Variants in CTNNA3 observed in about 807,000 individuals in gnomAD.
CTNNA3 encodes the protein catenin alpha 3, also known as catenin alpha-3.
In CTNNA3, 76 loss-of-function variants were observed where a neutral mutation model predicts 95.7. The observed-to-expected ratio is 0.79, with a 90% confidence interval of 0.66 to 0.96. The LOEUF is 0.96. Among genes scored for constraint, CTNNA3 ranks in the 40% least tolerant of loss-of-function variants. CTNNA3 has a pLI of 0.00. For missense variants in CTNNA3, 1,191 were observed against 1,089.8 expected (o/e 1.09, Z -1.31); for synonymous variants, 431 against 374.4 (o/e 1.15, Z -1.74).
intron 1 of CTNNA3, among the ~76,000 whole-genome samples, chr10:67,704,977 A>G (rs923016191): frequency 6.6e-6 from 1 of 152,250 alleles, no homozygotes; most frequent in African/African-American, 2.4e-5. Flanking sequence ...CGACATGAAC[A>G]GACACTCCTC....
Position 66,008,782 on chromosome 10 carries a change from T to C in CTNNA3, c.2160-19985A>G, listed in dbSNP as rs145095599. Among the ~76,000 whole-genome samples the C allele has an allele frequency of 4.6e-3, 697 of 152,168 alleles. 6 individuals are homozygous for C. The highest frequency in any genetic ancestry group is 0.016 in the African/African-American group (662 of 41,524). On this transcript the variant is annotated intron_variant, in intron 15 of 17. Coordinates refer to ENST00000433211, the MANE Select transcript of CTNNA3 (RefSeq NM_013266.4). ...GATGCAATATTCCCTCAGGAGAAAT[T>C]TGTGAATGAGTATTAGAGGATGCAA...
At chr10:66,090,691 T>C in intron 14 of CTNNA3, among the ~76,000 whole-genome samples, 1 of 152,106 alleles carries the variant, frequency 6.6e-6, no homozygotes, top group South Asian at 2.1e-4. Context: ...TTCTAAAAGC[T>C]CTGTTTCTTA....
At chr10:67,030,738 G>A (rs1853666414) in intron 7 of CTNNA3, among the ~76,000 whole-genome samples, 1 of 152,144 alleles carries the variant, frequency 6.6e-6, no homozygotes, top group Admixed American at 6.5e-5. Flanking sequence ...AGATGCGGTG[G>A]CTCACGCCTG....
chr10:67,010,144 AAAAT>A (rs1409137984), intron 7 of CTNNA3, among the ~76,000 whole-genome samples: 1 of 152,208 alleles, frequency 6.6e-6, no homozygotes, highest in African/African-American at 2.4e-5. Flanking sequence ...CATTACAAGA[AAAAT>A]AAACACACAC....
intron 6 of CTNNA3, 50 bp downstream of exon 6, chr10:67,219,557 T>C (rs200145969): frequency 6.6e-7 from 1 of 1,520,204 alleles, no homozygotes; most frequent in Non-Finnish European, 8.8e-7. Context: ...TTATTATTAT[T>C]ATTACTGTAT....
At chr10:67,076,506 C>T (rs1380433876) in intron 7 of CTNNA3, among the ~76,000 whole-genome samples, 2 of 152,144 alleles carry the variant, frequency 1.3e-5, no homozygotes, top group Non-Finnish European at 2.9e-5. Flanking sequence ...CATCAGAATG[C>T]CAAGCCCTTC....
intron 7 of CTNNA3, among the ~76,000 whole-genome samples, chr10:66,792,392 A>C (rs1033310295): frequency 1.3e-5 from 2 of 152,120 alleles, no homozygotes; most frequent in Non-Finnish European, 2.9e-5. Flanking sequence ...TTTGCATAAG[A>C]ATCTCCTAGA....
chr10:66,468,469 G>T lies in CTNNA3; in HGVS notation c.1531+52148C>A, dbSNP rs560279266. 3.3e-3 allele frequency among the ~76,000 whole-genome samples: 499 copies of T among 152,002 alleles called. 6 individuals carry two copies. The highest frequency in any genetic ancestry group is 0.011 in the African/African-American group (475 of 41,494). Reference sequence around the variant, plus strand: ...TAAAATTTAAAAGGGAGTCATGGGTGGGGGAAATGGGAAAATGCTGGTCAA... The same window carrying T: ...TAAAATTTAAAAGGGAGTCATGGGTTGGGGAAATGGGAAAATGCTGGTCAA... On this transcript the variant is annotated intron_variant, in intron 11 of 17. Transcript: ENST00000433211.
chr10:67,037,564 T>C lies in CTNNA3; in HGVS notation c.1047+142753A>G, dbSNP rs12240298. ...AGGTAGATTCACATGTAGAAGAGAT[T>C]TGAATGAAGTATGACTGGATGCAAG... On this transcript the variant is annotated intron_variant, in intron 7 of 17. Coordinates refer to ENST00000433211, the MANE Select transcript of CTNNA3 (RefSeq NM_013266.4). 7.2e-3 allele frequency among the ~76,000 whole-genome samples: 1,094 copies of C among 152,162 alleles called. 6 individuals carry two copies. Among genetic ancestry groups the C allele is most frequent in the African/African-American group, 0.025 (1,049 of 41,508 alleles).
chr10:66,979,964 T>A (rs1850315689), intron 7 of CTNNA3, among the ~76,000 whole-genome samples: 1 of 152,300 alleles, frequency 6.6e-6, no homozygotes. Flanking sequence ...GGGGGTTCCA[T>A]CAAGTTTTTA....
At chr10:66,665,575 A>T (rs992815022) in intron 9 of CTNNA3, among the ~76,000 whole-genome samples, 1 of 152,142 alleles carries the variant, frequency 6.6e-6, no homozygotes, top group African/African-American at 2.4e-5. Context: ...GAGTCTGAAA[A>T]AGTCAATTGA....
intron 9 of CTNNA3, among the ~76,000 whole-genome samples, chr10:66,627,978 T>C (rs1262067386): frequency 6.6e-6 from 1 of 152,138 alleles, no homozygotes; most frequent in African/African-American, 2.4e-5. Flanking sequence ...CCACAAACTC[T>C]TTTCAGATGC....
intron 5 of CTNNA3, among the ~76,000 whole-genome samples, chr10:67,370,488 G>C (rs2132698974): frequency 6.6e-6 from 1 of 152,284 alleles, no homozygotes; most frequent in South Asian, 2.1e-4. Flanking sequence ...TTGCAGGCAT[G>C]TGTTTGCATG....
In CTNNA3 at chr10:66,691,256, T is replaced by G. The variant is rs1427634866; in HGVS notation, c.1282-69472A>C. ...CTGGAAAATCGGGTCACTCCCACCC[T>G]AATACTGCGCTTTTCTGATGGGCTT... On this transcript the variant is annotated intron_variant, in intron 9 of 17. Coordinates refer to ENST00000433211, the MANE Select transcript of CTNNA3 (RefSeq NM_013266.4). 5.9e-5 allele frequency among the ~76,000 whole-genome samples: 9 copies of G among 152,260 alleles called. No individual in the cohort carries two copies. The East Asian group carries it at 9.7e-4, about 16-fold the overall frequency.
chr10:66,354,486 T>C (rs1243763658), intron 12 of CTNNA3, among the ~76,000 whole-genome samples: 1 of 152,064 alleles, frequency 6.6e-6, no homozygotes, highest in African/African-American at 2.4e-5. Context: ...AAAATCTGAA[T>C]TATTATAACT....
At chr10:66,010,233 T>C (rs1452703143) in intron 15 of CTNNA3, among the ~76,000 whole-genome samples, 1 of 152,172 alleles carries the variant, frequency 6.6e-6, no homozygotes, top group African/African-American at 2.4e-5. Context: ...GCTAAATCAG[T>C]TCCAAATAGA....
intron 7 of CTNNA3, among the ~76,000 whole-genome samples, chr10:66,800,091 A>T (rs1384496910): frequency 6.6e-6 from 1 of 151,408 alleles, no homozygotes; most frequent in Non-Finnish European, 1.5e-5. Context: ...AGGTTGAATC[A>T]TCAGTGTTTT....
chr10:66,769,669 C>A (rs1446212157), intron 8 of CTNNA3, among the ~76,000 whole-genome samples: 2 of 152,130 alleles, frequency 1.3e-5, no homozygotes, highest in Admixed American at 6.6e-5. Flanking sequence ...ATAAACACTG[C>A]CTGGAAGTTC....
chr10:66,955,204 C>T (rs761034487), intron 7 of CTNNA3, among the ~76,000 whole-genome samples: 1 of 151,922 alleles, frequency 6.6e-6, no homozygotes, highest in Non-Finnish European at 1.5e-5. Flanking sequence ...TTTATTCTGA[C>T]TCAGGTACAA....
Sources: allele counts gnomAD v4.1 joint callset (sites outside exome capture counted in the v4.1 genomes callset), GRCh38; gene constraint gnomAD v4.1.1; transcripts MANE v1.5; gene names NCBI Gene and HGNC (gene_info 2026-07-23, HGNC 2026-07-21).